The following PER3 variants were observed in gnomAD, a reference collection of about 807,000 sequenced individuals.
PER3 encodes period circadian protein homolog 3.
Under a neutral mutation model 127.2 loss-of-function variants are expected in PER3, and 107 were observed. The observed-to-expected ratio is 0.84, with a 90% CI of 0.72 to 0.99. The LOEUF (loss-of-function observed/expected upper bound fraction) is 0.99. Among genes scored for constraint, PER3 ranks in the 50% least tolerant of loss-of-function variants. The pLI, the probability that PER3 is intolerant of heterozygous loss-of-function variation, is 0.00. For missense variants in PER3, 1,560 were observed against 1,525.8 expected, an observed-to-expected ratio of 1.02 and a Z score of -0.37; for synonymous variants, 618 against 585.8, an observed-to-expected ratio of 1.05 and a Z score of -0.79.
chr1:7,810,307 G>T lies in PER3; in HGVS notation c.1372-131G>T, dbSNP rs2097213766. ...TACTGTGGCATGGTGCAGGAAACTGGATTAAAGTGATTACTGTGCTTCAGT... is the reference window on the plus strand; with the variant it reads ...TACTGTGGCATGGTGCAGGAAACTGTATTAAAGTGATTACTGTGCTTCAGT... On this transcript the variant is annotated intron_variant, in intron 12 of 21. Transcript: ENST00000377532. The T allele has an allele frequency of 9.9e-6, 7 of 710,164 alleles. 2 individuals carry two copies. The South Asian group carries it at 1.4e-4, about 14-fold the overall frequency. The allele number at this position is 710,164 out of a possible 1,614,324, so 44.0% of individuals were successfully genotyped here.
intron 21 of PER3, 42 bp from the exon 22 acceptor site, chr1:7,842,630 C>T (rs750823586): frequency 1.9e-6 from 3 of 1,609,038 alleles, no homozygotes; most frequent in Non-Finnish European, 2.5e-6. Flanking sequence ...CTTTAGGTGA[C>T]ATTGACATCA....
At position 7,803,703 on chromosome 1, in the gene PER3, G is replaced by GC. The variant is rs771396328; in HGVS notation, c.992dup (p.Gly332ArgfsTer6). ...ATTATTTTATATAGTTTTGAAGTAT[G>GC]CAGGGCATCCTCCCTTTGAACATTC... On this transcript the variant is annotated frameshift_variant, in exon 10 of 22. Transcript: ENST00000377532. LOFTEE classifies it high-confidence loss of function. 1.9e-6 allele frequency: 3 copies of GC among 1,596,840 alleles called. No homozygotes were observed. The highest frequency in any genetic ancestry group is 2.6e-6 in the Non-Finnish European group (3 of 1,164,962).
At chr1:7,817,225 T>C (rs1020094895) in intron 13 of PER3, among the ~76,000 whole-genome samples, 3 of 152,226 alleles carry the variant, frequency 2.0e-5, no homozygotes, top group Non-Finnish European at 4.4e-5. Context: ...TTTTGGTTAC[T>C]GTGGTGATGG....
chr1:7,806,805 AAAAAAAAATATAT>A (rs1558418490), intron 10 of PER3, among the ~76,000 whole-genome samples: 2 of 86,120 alleles, frequency 2.3e-5, no homozygotes, highest in African/African-American at 9.0e-5. Flanking sequence ...TAAAAAAAAA[AAAAAAAAATATAT>A]ATATATATAT....
In PER3 at chr1:7,826,391, T is replaced by C. The variant is rs921226492; in HGVS notation, c.1958-89T>C. On this transcript the variant is annotated intron_variant, in intron 16 of 21. Transcript: ENST00000377532. This position sits in a 1 kb window ranked among gnomAD's most constrained non-coding sequence, Gnocchi z 4.2. ...ATTCCAGCAGTTATAATAATGTTTG[T>C]AAAAATGTATCAAAAGGCAGTTAAC... The C allele has an allele frequency of 4.1e-6, 3 of 737,988 alleles. No homozygotes were observed. Among genetic ancestry groups the C allele is most frequent in the Admixed American group, 4.9e-5 (2 of 41,024 alleles). 45.7% of individuals were successfully genotyped at this position (737,988 alleles called of 1,614,324 possible).
intron 10 of PER3, among the ~76,000 whole-genome samples, chr1:7,805,158 A>G (rs1260360005): frequency 6.6e-6 from 1 of 152,152 alleles, no homozygotes; most frequent in Non-Finnish European, 1.5e-5. Context: ...GTGAGCCATC[A>G]CGCCCAACCC....
At chr1:7,788,909 A>G (rs1460982462) in intron 5 of PER3, among the ~76,000 whole-genome samples, 7 of 75,458 alleles carry the variant, frequency 9.3e-5, no homozygotes, top group Non-Finnish European at 1.6e-4. Context: ...TTTCTGGGGA[A>G]AAAAAAAAAA....
chr1:7,819,411 G>T lies in PER3; in HGVS notation c.1649G>T (p.Ser550Ile). 6.2e-7 allele frequency: 1 copy of T among 1,614,052 alleles called. No individual in the cohort carries two copies. Among genetic ancestry groups the T allele is most frequent in the Non-Finnish European group, 8.5e-7 (1 of 1,179,944 alleles). The change falls in exon 14 of 22, where the codon AGT (serine) becomes ATT (isoleucine). Residue 550 changes from serine (S) to isoleucine (I), a missense_variant. Transcript: ENST00000377532. The stretch of plus-strand genomic sequence containing the variant: ...TATCAACAGATCAACTGTATCGACA[G>T]TGTCATCAGGTATGAGACCGCAAGT... ...PSYQQINCID[S>I]VIRYLKSYNI...
At chr1:7,800,870 C>CTTT (rs897773301) in intron 7 of PER3, among the ~76,000 whole-genome samples, 16 of 150,768 alleles carry the variant, frequency 1.1e-4, no homozygotes, top group African/African-American at 3.9e-4. Context: ...TGTGCACATT[C>CTTT]TTTCTCTCTC....
intron 5 of PER3, among the ~76,000 whole-genome samples, chr1:7,792,554 C>T (rs925668808): frequency 1.3e-4 from 20 of 152,242 alleles, no homozygotes; most frequent in African/African-American, 4.3e-4. Context: ...GTACTTTTGC[C>T]TTATGAATCT....
Position 7,794,006 on chromosome 1 carries a change from C to A in PER3, c.642C>A (p.Ile214=), listed in dbSNP as rs201085150. The A allele has an allele frequency of 6.2e-7, 1 of 1,613,064 alleles. No individual in the cohort carries two copies. The highest frequency in any genetic ancestry group is 8.5e-7 in the Non-Finnish European group (1 of 1,179,078). The change falls in exon 6 of 22, where the codon ATC becomes ATA. Residue 214 remains isoleucine, a splice_region_variant and synonymous_variant. Coordinates refer to ENST00000377532, the MANE Select transcript of PER3 (RefSeq NM_001377275.1). ...CAPVKPFFCR[I]RGGEDRKQEK... ...CGGTGAAACCTTTTTTCTGCAGGAT[C>A]CGGTAAGTATAGTGGCTCGTGGAAG...
intron 8 of PER3, 98 bp from the exon 9 acceptor site, chr1:7,802,949 A>C: frequency 1.3e-6 from 1 of 776,072 alleles, no homozygotes; most frequent in Non-Finnish European, 2.3e-6. Flanking sequence ...CTTTGCATAA[A>C]ATTGTCTCAC....
At chr1:7,785,331 G>T (rs2097081839) in intron 2 of PER3, 110 bp from the exon 3 acceptor site, 2 of 820,636 alleles carry the variant, frequency 2.4e-6, no homozygotes, top group South Asian at 3.3e-5. Flanking sequence ...CCTGTGGACT[G>T]ATGCCGGTAG....
chr1:7,784,830 G>C lies in PER3; in HGVS notation c.-48G>C. The C allele has an allele frequency of 7.1e-7, 1 of 1,408,502 alleles. No individual in the cohort carries two copies. The allele number at this position is 1,408,502 out of a possible 1,614,324, so 87.3% of individuals were successfully genotyped here. ...CTGACTGCAAAGTGAGCGAGAAGCA[G>C]GCTGCGGGCCGTCCCAGCACGACGT... On this transcript the variant is annotated 5_prime_UTR_variant, in exon 2 of 22. Transcript: ENST00000377532.
At chr1:7,785,298 C>G (rs1363164312) in intron 2 of PER3, 143 bp from the exon 3 acceptor site, 3 of 671,562 alleles carry the variant, frequency 4.5e-6, no homozygotes, top group Non-Finnish European at 7.7e-6. Flanking sequence ...GAGTTCCCCA[C>G]CTAGAGGAAG....
rs12033719 is a variant in PER3, at chr1:7,830,003, C to T, written c.3056C>T (p.Thr1019Ile). 3.5e-6 allele frequency: 5 copies of T among 1,440,278 alleles called. No homozygotes were observed. The South Asian group carries it at 4.9e-5, about 14-fold the overall frequency. The allele number at this position is 1,440,278 out of a possible 1,614,324, so 89.2% of individuals were successfully genotyped here. Residue 1019 changes from threonine (T) to isoleucine (I), a missense_variant, in exon 19 of 22, where the codon ACA becomes ATA. Physicochemically the swap from Thr to Ile is moderately conservative, Grantham distance 89. Coordinates refer to ENST00000377532, the MANE Select transcript of PER3 (RefSeq NM_001377275.1). ...CATCCTACTGCCAGCGCTCTGTCCA[C>T]AGGATCGCCTCCCATGAAGAATCCA... is the stretch of plus-strand genomic sequence containing the variant. ...PSHPTASALS[T>I]GSPPMKNPSH...
chr1:7,826,515 C>G lies in PER3; in HGVS notation c.1993C>G (p.Leu665Val). Residue 665 changes from leucine (L) to valine (V), a missense_variant, in exon 17 of 22, where the codon CTG (leucine) becomes GTG (valine). Transcript: ENST00000377532. The surrounding 1 kb of genome is among the most constrained non-coding windows in gnomAD (Gnocchi z 4.2). ...DATLFCEPWT[L>V]NMQPAPLTSE... ...TACCCTCTTCTGTGAGCCCTGGACC[C>G]TGAACATGCAGCCAGCCCCTTTGAC... is the stretch of plus-strand genomic sequence containing the variant. The G allele has an allele frequency of 6.2e-7, 1 of 1,613,854 alleles. No homozygotes were observed. Among genetic ancestry groups the G allele is most frequent in the African/African-American group, 1.3e-5 (1 of 75,038 alleles).
At chr1:7,790,741 T>A (rs528012375) in intron 5 of PER3, among the ~76,000 whole-genome samples, 8 of 152,294 alleles carry the variant, frequency 5.3e-5, no homozygotes, top group Non-Finnish European at 1.0e-4. Context: ...ATCTCCTAGG[T>A]ACAATAGACG....
intron 8 of PER3, 108 bp downstream of exon 8, chr1:7,801,299 T>C: frequency 1.6e-6 from 1 of 638,734 alleles, no homozygotes; most frequent in Non-Finnish European, 2.7e-6. Flanking sequence ...TTGAAATCTG[T>C]CCATTTGCCT....
Sources: gnomAD v4.1 joint callset for allele counts (sites outside exome capture counted in the v4.1 genomes callset) on GRCh38, gnomAD v4.1.1 for gene constraint, Gnocchi (gnomAD v3.1) non-coding constraint, MANE v1.5 for transcripts, NCBI Gene and HGNC (gene_info 2026-07-23, HGNC 2026-07-21) for gene names.